The following COL12A1 variants were observed in gnomAD, a reference collection of about 807,000 sequenced individuals.
COL12A1 encodes the protein collagen type XII alpha 1 chain.
A neutral mutation model predicts 349.7 loss-of-function variants in COL12A1; 114 were observed. The ratio of observed to expected loss-of-function variants is 0.33; its 90% CI spans 0.28 to 0.38. COL12A1 has a LOEUF of 0.38. COL12A1 is among the 10% of genes least tolerant of loss of function. The pLI, the probability that COL12A1 is intolerant of heterozygous loss-of-function variation, is 1.00. For synonymous variants in COL12A1, 1,369 were observed against 1,329.0 expected (o/e 1.03, Z -0.66); for missense variants, 3,284 against 3,756.9 (o/e 0.87, Z 3.29).
chr6:75,101,618 C>T lies in COL12A1; in HGVS notation c.8505G>A (p.Met2835Ile). 6.2e-7 allele frequency: 1 copy of T among 1,613,858 alleles called. No individual in the cohort carries two copies. The highest frequency in any genetic ancestry group is 8.5e-7 in the Non-Finnish European group (1 of 1,179,856). The part of the protein sequence containing the change: ...TPGLPGPPGP[M>I]GPPGDRGFTG... ...AACTTACTCTGTCTCCTGGAGGTCC[C>T]ATTGGTCCTGGTGGGCCAGGTAATC... The change falls in exon 58 of 66, where the codon ATG becomes ATA. Residue 2835 changes from methionine (M) to isoleucine (I), a missense_variant. Coordinates refer to ENST00000322507, the MANE Select transcript of COL12A1 (RefSeq NM_004370.6).
intron 40 of COL12A1, among the ~76,000 whole-genome samples, 186 bp downstream of exon 40, chr6:75,124,940 AT>A (rs1765939601): frequency 6.6e-6 from 1 of 152,142 alleles, no homozygotes; most frequent in East Asian, 1.9e-4. Flanking sequence ...CACCATATAT[AT>A]TTTTATATAC....
intron 27 of COL12A1, among the ~76,000 whole-genome samples, chr6:75,139,315 C>T (rs1326740462): frequency 6.6e-6 from 1 of 152,098 alleles, no homozygotes; most frequent in Non-Finnish European, 1.5e-5. Flanking sequence ...GGACCTTCTC[C>T]AGTCTATCAA....
rs1767392637 is a variant in COL12A1, at chr6:75,084,667, T to C, written c.*1880A>G. On this transcript the variant is annotated 3_prime_UTR_variant, in exon 66 of 66. Coordinates refer to ENST00000322507, the MANE Select transcript of COL12A1 (RefSeq NM_004370.6). The stretch of plus-strand genomic sequence containing the variant: ...TACATGGCTTAAGGTTTGTGGTTGT[T>C]AAAGAGATGTATACGAGCATTCTAT... The C allele has an allele frequency of 6.5e-6, 1 of 153,888 alleles. No individual in the cohort carries two copies. The highest frequency in any genetic ancestry group is 2.4e-5 in the African/African-American group (1 of 41,420). The allele number at this position is 153,888 out of a possible 1,614,324, so 9.5% of individuals were successfully genotyped here. A position where few individuals can be genotyped will look rare whatever the true frequency, so the allele number is the denominator to read the frequency against.
chr6:75,162,803 A>C (rs1230093703), intron 14 of COL12A1, among the ~76,000 whole-genome samples: 2 of 152,234 alleles, frequency 1.3e-5, no homozygotes, highest in African/African-American at 2.4e-5. Flanking sequence ...AAGAACTGAA[A>C]CAGATTTACA....
intron 47 of COL12A1, 97 bp from the exon 48 acceptor site, chr6:75,116,154 T>A: frequency 1.7e-6 from 2 of 1,151,800 alleles, no homozygotes; most frequent in South Asian, 1.3e-5. Flanking sequence ...AAGTAATAAA[T>A]GACATTGTTC....
intron 27 of COL12A1, among the ~76,000 whole-genome samples, chr6:75,139,263 A>T (rs1001859981): frequency 2.6e-5 from 4 of 152,216 alleles, no homozygotes; most frequent in Non-Finnish European, 4.4e-5. Context: ...AGCAATACAC[A>T]ATACACAAAG....
intron 35 of COL12A1, 35 bp downstream of exon 35, chr6:75,131,905 C>A (rs1190819242): frequency 3.1e-6 from 5 of 1,610,178 alleles, no homozygotes; most frequent in African/African-American, 2.7e-5. Context: ...ACTACATTCA[C>A]CAGGAAATGC....
chr6:75,103,209 G>T (rs1202393048), intron 55 of COL12A1, among the ~76,000 whole-genome samples: 3 of 152,178 alleles, frequency 2.0e-5, no homozygotes, highest in Non-Finnish European at 4.4e-5. Flanking sequence ...TCCTAATCTT[G>T]CCCTTTCCTA....
chr6:75,132,171 A>C, intron 34 of COL12A1, 89 bp from the exon 35 acceptor site: 1 of 1,470,256 alleles, frequency 6.8e-7, no homozygotes, highest in East Asian at 2.3e-5. Context: ...ACATTCTGTA[A>C]CAGGATAAAA....
intron 14 of COL12A1, among the ~76,000 whole-genome samples, chr6:75,158,409 C>A (rs1276819085): frequency 1.3e-5 from 2 of 152,120 alleles, no homozygotes; most frequent in Admixed American, 6.6e-5. Context: ...CACCAGAAAT[C>A]AAACCCTGCC....
Position 75,152,345 on chromosome 6 carries a change from T to C in COL12A1, c.3703A>G (p.Arg1235Gly). The C allele has an allele frequency of 3.1e-6, 5 of 1,613,620 alleles. No individual in the cohort carries two copies. Among genetic ancestry groups the C allele is most frequent in the South Asian group, 1.1e-5 (1 of 91,088 alleles). ...TGTCAGAACCTACCAATTTGTACTC[T>C]TTTGGGGCCAATGTCAAAGACTTCC... is the stretch of plus-strand genomic sequence containing the variant. ...IVEVFDIGPK[R>G]VQIALAQYSG... is the part of the protein sequence containing the mutation. Residue 1235 changes from arginine to glycine, a missense_variant, in exon 18 of 66, where the codon AGA (arginine) becomes GGA (glycine). This residue lies in a region of COL12A1 where 2,601 missense variants were observed against 2,824.8 expected (regional missense o/e 0.92). Transcript: ENST00000322507.
Position 75,202,770 on chromosome 6 carries a change from G to T in COL12A1, c.23C>A (p.Ala8Glu). Residue 8 changes from alanine to glutamate, a missense_variant, in exon 2 of 66, where the codon GCG (alanine) becomes GAG (glutamate). Ala to Glu is a moderately radical substitution (Grantham distance 107). Around this residue, in one of 2 missense-constraint regions of COL12A1, gnomAD observed 2,601 missense variants for 2,824.8 expected, o/e 0.92. Transcript: ENST00000322507. Reference protein sequence around the residue: MRSRLPPALAALGAALLL... With the variant: MRSRLPPELAALGAALLL... The stretch of plus-strand genomic sequence containing the variant: ...CAGGGCCGCGCCCAGGGCGGCAAGC[G>T]CTGGGGGAAGCCTACTCCGCATCCT... 6.4e-7 allele frequency: 1 copy of T among 1,551,860 alleles called. No homozygotes were observed. Among genetic ancestry groups the T allele is most frequent in the Non-Finnish European group, 8.7e-7 (1 of 1,147,026 alleles).
At position 75,115,784 on chromosome 6, in the gene COL12A1, G is replaced by T; in HGVS notation, c.7697C>A (p.Ala2566Glu). 6.2e-7 allele frequency: 1 copy of T among 1,605,178 alleles called. No individual in the cohort carries two copies. The highest frequency in any genetic ancestry group is 8.5e-7 in the Non-Finnish European group (1 of 1,177,254). ...QKNAFVNQPT[A>E]DLHPNGLPPS... Reference sequence around the variant, plus strand: ...GAAAACCTCCTGTTGTCACACTTACGCTGTAGGCTGATTCACAAACGCATT... The same window carrying T: ...GAAAACCTCCTGTTGTCACACTTACTCTGTAGGCTGATTCACAAACGCATT... The change falls in exon 49 of 66, where the codon GCA becomes GAA. Residue 2566 changes from alanine to glutamate, a missense_variant and splice_region_variant. Ala to Glu is a moderately radical substitution (Grantham distance 107). Around this residue, in one of 2 missense-constraint regions of COL12A1, gnomAD observed 683 missense variants for 932.1 expected, o/e 0.73. Coordinates refer to ENST00000322507, the MANE Select transcript of COL12A1 (RefSeq NM_004370.6).
intron 8 of COL12A1, among the ~76,000 whole-genome samples, chr6:75,188,152 A>G (rs1242237578): frequency 2.0e-5 from 3 of 152,298 alleles, no homozygotes. Flanking sequence ...GAACTGTGCA[A>G]TGATACATTT....
chr6:75,126,928 A>G (rs1766047207), intron 38 of COL12A1, among the ~76,000 whole-genome samples: 2 of 152,184 alleles, frequency 1.3e-5, no homozygotes, highest in East Asian at 1.9e-4. Context: ...GTACCTCTCT[A>G]TCCTCCACCA....
At chr6:75,146,013 T>G in intron 24 of COL12A1, 89 bp downstream of exon 24, 3 of 1,311,106 alleles carry the variant, frequency 2.3e-6, no homozygotes, top group Non-Finnish European at 3.0e-6. Flanking sequence ...AAGTTATAAA[T>G]GAGTTTGTAA....
rs778863880 is a variant in COL12A1, at chr6:75,138,965, T to C, written c.4958-4A>G. 6.2e-7 allele frequency: 1 copy of C among 1,613,184 alleles called. No homozygotes were observed. Among genetic ancestry groups the C allele is most frequent in the Admixed American group, 1.7e-5 (1 of 59,800 alleles). On this transcript the variant is annotated splice_polypyrimidine_tract_variant and splice_region_variant and intron_variant, in intron 27 of 65. Coordinates refer to ENST00000322507, the MANE Select transcript of COL12A1 (RefSeq NM_004370.6). ...TTTGTTGGGGCTGGCACGGGTCCTA[T>C]CATGAGAAAAGGCAAGCAGACTAAG...
At chr6:75,129,988 C>T in intron 37 of COL12A1, 103 bp downstream of exon 37, 2 of 1,326,964 alleles carry the variant, frequency 1.5e-6, no homozygotes, top group South Asian at 1.4e-5. Context: ...GTGTGACTAT[C>T]AAGGACTCAA....
chr6:75,133,916 C>T lies in COL12A1; in HGVS notation c.5606G>A (p.Gly1869Glu). 1 of 1,614,098 alleles carries T rather than the reference C, an allele frequency of 6.2e-7. No homozygotes were observed. Among genetic ancestry groups the T allele is most frequent in the Non-Finnish European group, 8.5e-7 (1 of 1,179,984 alleles). The change falls in exon 33 of 66, where the codon GGA becomes GAA. Residue 1869 changes from glycine to glutamate, a missense_variant. Physicochemically the swap from Gly to Glu is moderately conservative, Grantham distance 98. Coordinates refer to ENST00000322507, the MANE Select transcript of COL12A1 (RefSeq NM_004370.6). ...TLNVRWDHAE[G>E]NPRQYKLFYA... ...GAAGAGCTTGTACTGACGAGGATTTCCCTCTGCATGGTCCCAGCGGACATT... is the reference window on the plus strand; with the variant it reads ...GAAGAGCTTGTACTGACGAGGATTTTCCTCTGCATGGTCCCAGCGGACATT...
Sources: gnomAD v4.1 joint callset for allele counts (sites outside exome capture counted in the v4.1 genomes callset) on GRCh38, gnomAD v4.1.1 for gene constraint, gnomAD v4.1.1 regional missense constraint, MANE v1.5 for transcripts, NCBI Gene and HGNC (gene_info 2026-07-23, HGNC 2026-07-21) for gene names.